The following CFAP20DC variants were observed in gnomAD, a reference collection of about 807,000 sequenced individuals.
CFAP20DC encodes protein CFAP20DC.
CFAP20DC carries 84 observed loss-of-function variants against 101.7 expected under a neutral mutation model. That is an observed-to-expected ratio of 0.83 (90% CI 0.69 to 0.99). The LOEUF (loss-of-function observed/expected upper bound fraction) is 0.99. Ranked by LOEUF, CFAP20DC falls within the 50% of genes least tolerant of loss-of-function variation. The pLI, the probability that CFAP20DC is intolerant of heterozygous loss-of-function variation, is 0.00. For missense variants in CFAP20DC, 1,007 were observed against 970.3 expected, an observed-to-expected ratio of 1.04 and a Z score of -0.50; for synonymous variants, 359 against 351.2, an observed-to-expected ratio of 1.02 and a Z score of -0.25.
intron 4 of CFAP20DC, among the ~76,000 whole-genome samples, chr3:58,949,684 A>G (rs2089850306): frequency 6.6e-6 from 1 of 152,224 alleles, no homozygotes; most frequent in African/African-American, 2.4e-5. Flanking sequence ...TTATCTCAAT[A>G]GATGCAGAAA....
intron 13 of CFAP20DC, among the ~76,000 whole-genome samples, chr3:58,840,908 A>C (rs1299996557): frequency 6.6e-6 from 1 of 152,254 alleles, no homozygotes; most frequent in Non-Finnish European, 1.5e-5. Context: ...TAGATAAGAA[A>C]GAACAAAGCC....
intron 4 of CFAP20DC, among the ~76,000 whole-genome samples, chr3:58,975,596 T>G (rs2092233741): frequency 6.6e-6 from 1 of 152,210 alleles, no homozygotes; most frequent in Non-Finnish European, 1.5e-5. Flanking sequence ...AAATTTGCAT[T>G]GATAAATGCT....
chr3:58,720,493 T>C (rs2067456642), intron 3 of CFAP20DC, among the ~76,000 whole-genome samples: 1 of 152,194 alleles, frequency 6.6e-6, no homozygotes, highest in South Asian at 2.1e-4. Context: ...CTCCAGAGGC[T>C]TATTAACTGC....
Position 58,964,252 on chromosome 3 carries a change from T to C in CFAP20DC, c.279-26490A>G, listed in dbSNP as rs1019880689. ...GTTAAGAAGACTACCCACTATGGACTGGTTCTGGCCAGTTTAGGGAGGCTG... is the reference window on the plus strand; with the variant it reads ...GTTAAGAAGACTACCCACTATGGACCGGTTCTGGCCAGTTTAGGGAGGCTG... On this transcript the variant is annotated intron_variant, in intron 4 of 16. Transcript: ENST00000482387. The surrounding 1 kb of genome is among the most constrained non-coding windows in gnomAD (Gnocchi z 4.1). 3.3e-5 allele frequency among the ~76,000 whole-genome samples: 5 copies of C among 152,196 alleles called. No homozygotes were observed. The highest frequency in any genetic ancestry group is 1.2e-4 in the African/African-American group (5 of 41,454).
At chr3:58,735,536 G>A (rs1459723304) in intron 3 of CFAP20DC, among the ~76,000 whole-genome samples, 2 of 152,200 alleles carry the variant, frequency 1.3e-5, no homozygotes, top group African/African-American at 2.4e-5. Context: ...AAGTGAAGAA[G>A]AGCAATAAAG....
intron 16 of CFAP20DC, 66 bp from the exon 17 acceptor site, chr3:58,742,638 A>C (rs1025013546): frequency 1.7e-6 from 2 of 1,185,700 alleles, no homozygotes; most frequent in Non-Finnish European, 2.4e-6. Context: ...AAACAAGGGC[A>C]ACGAAGCAGG....
chr3:58,725,854 G>GT, intron 3 of CFAP20DC: 1 of 198,340 alleles, frequency 5.0e-6, no homozygotes, highest in South Asian at 1.1e-4. Flanking sequence ...GATCCATCTG[G>GT]TTTTTATTTT....
At chr3:59,029,972 C>T (rs1480957745) in intron 4 of CFAP20DC, among the ~76,000 whole-genome samples, 1 of 152,144 alleles carries the variant, frequency 6.6e-6, no homozygotes, top group Non-Finnish European at 1.5e-5. Context: ...CCCCAACTAC[C>T]CCATATGCAT....
At chr3:59,029,970 A>G (rs532859287) in intron 4 of CFAP20DC, among the ~76,000 whole-genome samples, 68 of 152,330 alleles carry the variant, frequency 4.5e-4, no homozygotes, top group African/African-American at 1.5e-3. Flanking sequence ...AGCCCCAACT[A>G]CCCCATATGC....
intron 4 of CFAP20DC, chr3:59,019,066 G>A (rs1040568352): frequency 6.6e-6 from 1 of 152,072 alleles, no homozygotes; most frequent in African/African-American, 2.4e-5. Context: ...CTTTAAGTTT[G>A]AAATTACTTC....
intron 3 of CFAP20DC, among the ~76,000 whole-genome samples, 181 bp downstream of exon 3, chr3:59,046,048 T>A (rs1699832609): frequency 6.6e-6 from 1 of 152,076 alleles, no homozygotes; most frequent in South Asian, 2.1e-4. Flanking sequence ...TAGAATATAT[T>A]TTTTTAAAGG....
intron 4 of CFAP20DC, among the ~76,000 whole-genome samples, chr3:58,956,804 G>A (rs2090669663): frequency 1.3e-5 from 2 of 152,306 alleles, no homozygotes; most frequent in South Asian, 4.1e-4. Context: ...AGAAGGGGAA[G>A]CAGACACATT....
At chr3:59,028,861 C>T (rs2093938186) in intron 4 of CFAP20DC, among the ~76,000 whole-genome samples, 2 of 152,114 alleles carry the variant, frequency 1.3e-5, no homozygotes, top group African/African-American at 2.4e-5. Context: ...TCATTTAATG[C>T]TTATGACAGA....
At chr3:58,994,662 C>T (rs1451299960) in intron 4 of CFAP20DC, among the ~76,000 whole-genome samples, 2 of 152,024 alleles carry the variant, frequency 1.3e-5, no homozygotes, top group Admixed American at 6.6e-5. Context: ...TAGACACCTC[C>T]AATCATCAAA....
intron 16 of CFAP20DC, among the ~76,000 whole-genome samples, chr3:58,751,282 T>C (rs928557609): frequency 2.0e-5 from 3 of 152,206 alleles, no homozygotes; most frequent in African/African-American, 2.4e-5. Context: ...ATGCAGATTA[T>C]GTTAGAAGGT....
downstream of CFAP20DC, among the ~76,000 whole-genome samples, chr3:58,738,969 T>C (rs2067819945): frequency 6.6e-6 from 1 of 152,222 alleles, no homozygotes; most frequent in South Asian, 2.1e-4. The surrounding 1 kb of genome is among the most constrained non-coding windows in gnomAD (Gnocchi z 4.4). Flanking sequence ...GTGCTTCAGG[T>C]TGTACATTCT....
intron 4 of CFAP20DC, among the ~76,000 whole-genome samples, chr3:58,948,639 C>A (rs1270490069): frequency 6.6e-6 from 1 of 152,170 alleles, no homozygotes; most frequent in Non-Finnish European, 1.5e-5. Context: ...GGGATGAAGC[C>A]CACTTGATCA....
At position 58,861,587 on chromosome 3, in the gene CFAP20DC, A is replaced by G; in HGVS notation, c.1593+1971T>C. 1 of 985,284 alleles carries G rather than the reference A, an allele frequency of 1.0e-6. No homozygotes were observed. Among genetic ancestry groups the G allele is most frequent in the Non-Finnish European group, 1.2e-6 (1 of 829,764 alleles). 61.0% of individuals were successfully genotyped at this position (985,284 alleles called of 1,614,324 possible). A position where few individuals can be genotyped will look rare whatever the true frequency, so the allele number is the denominator to read the frequency against. ...AGAAGGTATCATTACACATGCTAAA[A>G]CTTGTTTAAATATAGCCTAGCATTT... On this transcript the variant is annotated intron_variant, in intron 12 of 16. Transcript: ENST00000482387. The surrounding 1 kb of genome is among the most constrained non-coding windows in gnomAD (Gnocchi z 4.0).
intron 6 of CFAP20DC, among the ~76,000 whole-genome samples, chr3:58,906,221 TC>T (rs1293872845): frequency 2.6e-5 from 4 of 152,104 alleles, no homozygotes; most frequent in African/African-American, 9.7e-5. Flanking sequence ...ATCATCACCA[TC>T]CCCACTACCG....
Sources: gnomAD v4.1 joint callset for allele counts (sites outside exome capture counted in the v4.1 genomes callset) on GRCh38, gnomAD v4.1.1 for gene constraint, Gnocchi (gnomAD v3.1) non-coding constraint, MANE v1.5 for transcripts, NCBI Gene and HGNC (gene_info 2026-07-23, HGNC 2026-07-21) for gene names.